HNRNPK: variants seen among roughly 807,000 people sequenced by gnomAD.
HNRNPK encodes dC-stretch binding protein.
In HNRNPK, 7 loss-of-function variants were observed where a neutral mutation model predicts 67.0. The observed-to-expected ratio is 0.10, with a 90% CI of 0.06 to 0.20. The LOEUF (loss-of-function observed/expected upper bound fraction) is 0.20. HNRNPK is among the 10% of genes least tolerant of loss of function. The probability of loss-of-function intolerance (pLI) is 1.00; values close to 1 mark genes in which losing one functional copy is unlikely to be tolerated. For synonymous variants in HNRNPK, 213 were observed against 193.7 expected (o/e 1.10, Z -0.83); for missense variants, 264 against 606.5 (o/e 0.44, Z 5.93).
At chr9:83,971,181 A>G in intron 13 of HNRNPK, 92 bp downstream of exon 13, 1 of 923,666 alleles carries the variant, frequency 1.1e-6, no homozygotes, top group South Asian at 1.3e-5. Context: ...TATTTTCAGT[A>G]AGTATCCTCA....
chr9:83,971,624 G>A, intron 12 of HNRNPK, 48 bp downstream of exon 12: 1 of 1,456,556 alleles, frequency 6.9e-7, no homozygotes, highest in East Asian at 2.3e-5. Flanking sequence ...ACTACATTGT[G>A]ACAACCCTCA....
chr9:83,969,046 T>C lies in HNRNPK; in HGVS notation c.*361A>G, dbSNP rs1423689205. ...CCTCCCTGTCCCACCCCCCAAATGT[T>C]ACAGTGACCACAAAGCAAGGTGTTC... On this transcript the variant is annotated 3_prime_UTR_variant, in exon 17 of 17. Transcript: ENST00000376263. The C allele has an allele frequency of 4.8e-6, 2 of 413,586 alleles. No individual in the cohort carries two copies. The highest frequency in any genetic ancestry group is 8.4e-5 in the Admixed American group (2 of 23,698). 25.6% of individuals were successfully genotyped at this position (413,586 alleles called of 1,614,324 possible).
intron 5 of HNRNPK, 90 bp downstream of exon 5, chr9:83,976,905 T>C (rs1010617293): frequency 9.6e-6 from 7 of 726,724 alleles, no homozygotes; most frequent in East Asian, 2.5e-5. Context: ...AGCTAAACTA[T>C]GAAATGATTT....
Position 83,968,323 on chromosome 9 carries a change from A to G in HNRNPK, c.*1084T>C, listed in dbSNP as rs1344425423. The G allele has an allele frequency of 6.6e-6, 1 of 152,418 alleles. No homozygotes were observed. The highest frequency in any genetic ancestry group is 1.5e-5 in the Non-Finnish European group (1 of 67,990). 9.4% of individuals were successfully genotyped at this position (152,418 alleles called of 1,614,324 possible). The stretch of plus-strand genomic sequence containing the variant: ...AAACATTTCCTACATAATCCAACAT[A>G]CAACAGAGAAATGGTACATCTTTTT... On this transcript the variant is annotated 3_prime_UTR_variant, in exon 17 of 17. Transcript: ENST00000376263.
chr9:83,980,605 C>T (rs1166962466), upstream of HNRNPK: 3 of 153,150 alleles, frequency 2.0e-5, no homozygotes, highest in South Asian at 2.1e-4. Flanking sequence ...GGAGCGCCCT[C>T]CTCCTTTCTC....
Position 83,971,923 on chromosome 9 carries a change from A to G in HNRNPK, c.912T>C (p.Ala304=). The G allele has an allele frequency of 6.3e-7, 1 of 1,576,010 alleles. No individual in the cohort carries two copies. The highest frequency in any genetic ancestry group is 8.6e-7 in the Non-Finnish European group (1 of 1,160,466). The change falls in exon 11 of 17, where the codon GCT becomes GCC. Residue 304 remains alanine, a synonymous_variant. Coordinates refer to ENST00000376263, the MANE Select transcript of HNRNPK (RefSeq NM_031263.4). ...PGRGGRGGSR[A]RNLPLPPPPP... Reference sequence around the variant, plus strand: ...GTGGTGGAGGAAGAGGAAGATTCCGAGCTCTGCTACCACCCCGGCCGCCTC... The same window carrying G: ...GTGGTGGAGGAAGAGGAAGATTCCGGGCTCTGCTACCACCCCGGCCGCCTC...
At position 83,973,002 on chromosome 9, in the gene HNRNPK, A is replaced by G. The variant is rs1956921577; in HGVS notation, c.517-30T>C. 3 of 1,507,342 alleles carry G rather than the reference A, an allele frequency of 2.0e-6. No individual in the cohort carries two copies. In the African/African-American group the frequency reaches 4.2e-5, roughly 21 times the overall value. The allele number at this position is 1,507,342 out of a possible 1,614,324, so 93.4% of individuals were successfully genotyped here. On this transcript the variant is annotated intron_variant, in intron 9 of 16. Coordinates refer to ENST00000376263, the MANE Select transcript of HNRNPK (RefSeq NM_031263.4). ...AGTAAGATCATAAAAAAAAATAATA[A>G]TAATTAGAAGAAAATTAGCTTTCCT...
intron 15 of HNRNPK, 114 bp from the exon 16 acceptor site, chr9:83,970,445 T>G: frequency 1.2e-6 from 1 of 818,506 alleles, no homozygotes; most frequent in Non-Finnish European, 1.9e-6. Context: ...TAACTGATGA[T>G]CTAACGCTCC....
chr9:83,972,289 C>T, intron 10 of HNRNPK, 100 bp from the exon 11 acceptor site: 1 of 869,658 alleles, frequency 1.1e-6, no homozygotes, highest in Non-Finnish European at 1.8e-6. Context: ...TAAGTCATTC[C>T]CCCATCAGGA....
chr9:83,973,815 T>C (rs1185943973), intron 8 of HNRNPK, 87 bp downstream of exon 8: 1 of 987,884 alleles, frequency 1.0e-6, no homozygotes, highest in Non-Finnish European at 1.6e-6. Flanking sequence ...TCTATAGAGA[T>C]GGGAAAAGCA....
In HNRNPK at chr9:83,970,656, C is replaced by T. The variant is rs1394320009; in HGVS notation, c.1191+81G>A. 8.0e-6 allele frequency: 8 copies of T among 993,908 alleles called. No homozygotes were observed. In the African/African-American group the frequency reaches 9.9e-5, roughly 12 times the overall value. 61.6% of individuals were successfully genotyped at this position (993,908 alleles called of 1,614,324 possible). A position where few individuals can be genotyped will look rare whatever the true frequency, so the allele number is the denominator to read the frequency against. The stretch of plus-strand genomic sequence containing the variant: ...CCTAAATGTGTATTTTTGTTAAAAC[C>T]TTCTGAATTAAAAAATATACAGAAA... On this transcript the variant is annotated intron_variant, in intron 15 of 16. Coordinates refer to ENST00000376263, the MANE Select transcript of HNRNPK (RefSeq NM_031263.4).
rs746255704 is a variant in HNRNPK, at chr9:83,970,922, G to A, written c.1093-10C>T. ...CATATCCGGAGCCACCCTAAAAACA[G>A]AAAGAAAAAAATAGAAAATTACTTT... On this transcript the variant is annotated splice_polypyrimidine_tract_variant and intron_variant, in intron 13 of 16. Transcript: ENST00000376263. The A allele has an allele frequency of 1.7e-5, 27 of 1,611,262 alleles. No homozygotes were observed. The highest frequency in any genetic ancestry group is 2.2e-5 in the South Asian group (2 of 90,908).
At chr9:83,972,406 T>C (rs888562636) in intron 10 of HNRNPK, 19 of 548,680 alleles carry the variant, frequency 3.5e-5, no homozygotes, top group Admixed American at 7.4e-5. Context: ...GTGAGTTCTA[T>C]TGCCTATACA....
At chr9:83,974,072 TATTATTA>T in intron 7 of HNRNPK, 99 bp from the exon 8 acceptor site, 3 of 685,090 alleles carry the variant, frequency 4.4e-6, no homozygotes, top group Non-Finnish European at 7.4e-6. Flanking sequence ...TTTAAATCTA[TATTATTA>T]AATAATGAGA....
rs146097845 is a variant in HNRNPK at position 83,975,362 on chromosome 9, C to T, written c.257+100G>A. 2.8e-5 allele frequency: 30 copies of T among 1,057,122 alleles called. No homozygotes were observed. The East Asian group carries it at 4.2e-4, about 15-fold the overall frequency. 65.5% of individuals were successfully genotyped at this position (1,057,122 alleles called of 1,614,324 possible). On this transcript the variant is annotated intron_variant, in intron 6 of 16. Coordinates refer to ENST00000376263, the MANE Select transcript of HNRNPK (RefSeq NM_031263.4). Reference sequence around the variant, plus strand: ...AGACAGAAACTTGAAAAACAATACACCGTCTAAAGGGGATACTATTTAATT... The same window carrying T: ...AGACAGAAACTTGAAAAACAATACATCGTCTAAAGGGGATACTATTTAATT...
Position 83,968,197 on chromosome 9 carries a change from T to C in HNRNPK, c.*1210A>G, listed in dbSNP as rs1238265141. 6.6e-6 allele frequency: 1 copy of C among 152,540 alleles called. No individual in the cohort carries two copies. The highest frequency in any genetic ancestry group is 1.9e-4 in the East Asian group (1 of 5,194). 9.4% of individuals were successfully genotyped at this position (152,540 alleles called of 1,614,324 possible). ...CAAATCTAGCATCATGGGTGTTTTA[T>C]TTATTTGGAAGTGAATTTTAACTAT... On this transcript the variant is annotated 3_prime_UTR_variant, in exon 17 of 17. Coordinates refer to ENST00000376263, the MANE Select transcript of HNRNPK (RefSeq NM_031263.4).
intron 7 of HNRNPK, 49 bp from the exon 8 acceptor site, chr9:83,974,022 G>T: frequency 8.0e-7 from 1 of 1,247,034 alleles, no homozygotes; most frequent in South Asian, 1.2e-5. Flanking sequence ...AGCGTGATCA[G>T]GCTATTGTCG....
intron 2 of HNRNPK, 23 bp downstream of exon 2, chr9:83,978,350 A>C (rs1957168848): frequency 6.7e-7 from 1 of 1,486,724 alleles, no homozygotes; most frequent in Non-Finnish European, 8.9e-7. Flanking sequence ...AAAAAAAAAA[A>C]AGACATTGCT....
intron 5 of HNRNPK, chr9:83,975,793 T>A: frequency 2.2e-6 from 1 of 454,252 alleles, no homozygotes; most frequent in South Asian, 3.2e-5. Flanking sequence ...ATACTCTCAA[T>A]GAAACAAGCT....
Sources: allele counts gnomAD v4.1 joint callset, GRCh38; gene constraint gnomAD v4.1.1; transcripts MANE v1.5; gene names NCBI Gene and HGNC (gene_info 2026-07-23, HGNC 2026-07-21).